Variants in AGBL1 observed in about 807,000 individuals in gnomAD.
AGBL1 encodes cytosolic carboxypeptidase 4.
A neutral mutation model predicts 118.9 loss-of-function variants in AGBL1; 130 were observed. The observed-to-expected ratio is 1.09, with a 90% CI of 0.95 to 1.26. The LOEUF is 1.26. Among genes scored for constraint, AGBL1 ranks in the 50% most tolerant of loss-of-function variants. The pLI is 0.00. For synonymous variants in AGBL1, 555 were observed against 478.9 expected, an observed-to-expected ratio of 1.16 and a Z score of -2.08; for missense variants, 1,584 against 1,298.1, an observed-to-expected ratio of 1.22 and a Z score of -3.38.
At chr15:86,424,708 C>A (rs2081842322) in intron 18 of AGBL1, among the ~76,000 whole-genome samples, 1 of 152,144 alleles carries the variant, frequency 6.6e-6, no homozygotes, top group African/African-American at 2.4e-5. Context: ...AAACCAACAA[C>A]CCCATCAAAA....
At chr15:86,815,578 G>A (rs1437681098) in intron 22 of AGBL1, among the ~76,000 whole-genome samples, 1 of 152,174 alleles carries the variant, frequency 6.6e-6, no homozygotes, top group South Asian at 2.1e-4. Flanking sequence ...TATTGAAGTA[G>A]CACACTGCAT....
At chr15:86,196,879 G>GCGCACACACACACA (rs756313941) in intron 5 of AGBL1, among the ~76,000 whole-genome samples, 23 of 116,960 alleles carry the variant, frequency 2.0e-4, no homozygotes, top group Non-Finnish European at 2.8e-4. Flanking sequence ...GCGCGCGCGC[G>GCGCACACACACACA]CACACACACA....
intron 22 of AGBL1, among the ~76,000 whole-genome samples, chr15:86,767,511 A>G (rs1248436125): frequency 6.6e-6 from 1 of 151,946 alleles, no homozygotes; most frequent in Non-Finnish European, 1.5e-5. Context: ...TAGTTTCAGG[A>G]GGTAGCAAAT....
chr15:86,808,818 C>G (rs963890227), intron 22 of AGBL1, among the ~76,000 whole-genome samples: 1 of 151,460 alleles, frequency 6.6e-6, no homozygotes, highest in East Asian at 2.0e-4. Flanking sequence ...TAACTGCTTG[C>G]AATTCTTCTT....
chr15:86,390,394 C>A (rs1434985819), intron 17 of AGBL1, among the ~76,000 whole-genome samples: 1 of 151,976 alleles, frequency 6.6e-6, no homozygotes, highest in Non-Finnish European at 1.5e-5. Flanking sequence ...ACAAACTTGA[C>A]CTAATTGGTG....
At chr15:86,632,373 G>A (rs1046411279) in intron 21 of AGBL1, among the ~76,000 whole-genome samples, 3 of 152,000 alleles carry the variant, frequency 2.0e-5, no homozygotes, top group Middle Eastern at 3.4e-3. Flanking sequence ...AACCCAGGAG[G>A]CGGAGGTTGC....
At chr15:86,350,163 C>G (rs186186822) in intron 17 of AGBL1, among the ~76,000 whole-genome samples, 1 of 152,302 alleles carries the variant, frequency 6.6e-6, no homozygotes, top group African/African-American at 2.4e-5. Context: ...CACTGTGCAC[C>G]TCCTGTGTGC....
At chr15:86,105,802 T>A (rs1438973215) in intron 1 of AGBL1, among the ~76,000 whole-genome samples, 1 of 152,250 alleles carries the variant, frequency 6.6e-6, no homozygotes, top group East Asian at 1.9e-4. Context: ...TTTTTGTAAC[T>A]CTTTGAATCT....
intron 18 of AGBL1, among the ~76,000 whole-genome samples, chr15:86,444,946 T>TAA (rs2082104490): frequency 1.3e-5 from 2 of 152,204 alleles, no homozygotes; most frequent in Non-Finnish European, 2.9e-5. Flanking sequence ...AAAAAATAAA[T>TAA]TGAGATACAT....
At chr15:86,608,457 A>G (rs112227542) in intron 21 of AGBL1, among the ~76,000 whole-genome samples, 6,131 of 152,278 alleles carry the variant, frequency 0.04, 305 homozygotes, top group African/African-American at 0.11. Context: ...CTCTGTTGAT[A>G]AGACACTATG....
chr15:86,925,796 T>A (rs1268355803), intron 23 of AGBL1, among the ~76,000 whole-genome samples: 1 of 150,844 alleles, frequency 6.6e-6, no homozygotes, highest in Non-Finnish European at 1.5e-5. Flanking sequence ...AGTGGCGCCA[T>A]CTCGGCTCAC....
At chr15:86,649,250 A>G (rs2085332017) in intron 21 of AGBL1, among the ~76,000 whole-genome samples, 1 of 152,184 alleles carries the variant, frequency 6.6e-6, no homozygotes, top group African/African-American at 2.4e-5. Context: ...AAGGGGTAGA[A>G]GAGGTTGTGG....
chr15:86,972,097 A>G (rs1435239397), intron 23 of AGBL1, among the ~76,000 whole-genome samples: 7 of 152,028 alleles, frequency 4.6e-5, no homozygotes, highest in Admixed American at 4.6e-4. Context: ...TCTTTGTAGC[A>G]ATACAAAAAC....
At chr15:86,219,469 G>A (rs1302712497) in intron 5 of AGBL1, among the ~76,000 whole-genome samples, 1 of 152,094 alleles carries the variant, frequency 6.6e-6, no homozygotes, top group Non-Finnish European at 1.5e-5. Context: ...CTTTATAAAT[G>A]AGAAAGGCTA....
chr15:86,761,505 G>T (rs2078023480), intron 22 of AGBL1, among the ~76,000 whole-genome samples: 1 of 152,036 alleles, frequency 6.6e-6, no homozygotes, highest in East Asian at 1.9e-4. Flanking sequence ...GAAAGGGAGG[G>T]TCACTGTAGC....
chr15:86,496,685 CTAATTA>C (rs1240848597), intron 18 of AGBL1, among the ~76,000 whole-genome samples: 3 of 151,814 alleles, frequency 2.0e-5, no homozygotes, highest in African/African-American at 7.3e-5. Flanking sequence ...TTGGAAGCTA[CTAATTA>C]TATTTTATTA....
At chr15:86,371,236 T>A (rs554975492) in intron 17 of AGBL1, among the ~76,000 whole-genome samples, 1 of 152,228 alleles carries the variant, frequency 6.6e-6, no homozygotes, top group Admixed American at 6.5e-5. Flanking sequence ...TTCGTGCAGC[T>A]GGTAGGCAAA....
chr15:86,662,178 TAA>T (rs1299425988), intron 21 of AGBL1, among the ~76,000 whole-genome samples: 1 of 152,248 alleles, frequency 6.6e-6, no homozygotes, highest in East Asian at 1.9e-4. Flanking sequence ...TATATCCATG[TAA>T]ATGTGCATAC....
At chr15:86,127,925 G>A (rs2076768223) in intron 1 of AGBL1, among the ~76,000 whole-genome samples, 1 of 152,144 alleles carries the variant, frequency 6.6e-6, no homozygotes, top group South Asian at 2.1e-4. Context: ...ACTTAGAGAA[G>A]CCCTGCCCAT....
Sources: allele counts gnomAD v4.1 joint callset (sites outside exome capture counted in the v4.1 genomes callset), GRCh38; gene constraint gnomAD v4.1.1; transcripts MANE v1.5; gene names NCBI Gene and HGNC (gene_info 2026-07-23, HGNC 2026-07-21).